TAFA2: variants seen among roughly 807,000 people sequenced by gnomAD.
The protein encoded by TAFA2 is TAFA chemokine like family member 2.
TAFA2 carries 7 observed loss-of-function variants against 18.8 expected under a neutral mutation model. The ratio of observed to expected loss-of-function variants is 0.37; its 90% CI spans 0.21 to 0.70. The LOEUF (loss-of-function observed/expected upper bound fraction) is 0.70. Ranked by LOEUF, TAFA2 falls within the 30% of genes least tolerant of loss-of-function variation. TAFA2 has a pLI of 0.53. For synonymous variants in TAFA2, 60 were observed against 54.2 expected, an observed-to-expected ratio of 1.11 and a Z score of -0.47; for missense variants, 122 against 158.1, an observed-to-expected ratio of 0.77 and a Z score of 1.23.
intron 1 of TAFA2, among the ~76,000 whole-genome samples, chr12:62,102,114 G>A (rs1423154851): frequency 6.6e-6 from 1 of 152,190 alleles, no homozygotes; most frequent in Admixed American, 6.6e-5. Context: ...AACTGCAAGA[G>A]CATAAAAGGA....
At chr12:61,840,259 A>G (rs1873118604) in intron 2 of TAFA2, among the ~76,000 whole-genome samples, 1 of 151,980 alleles carries the variant, frequency 6.6e-6, no homozygotes, top group Non-Finnish European at 1.5e-5. Context: ...CTTCAAGTCT[A>G]TTTTTATATT....
At chr12:61,731,020 C>A (rs2120650291) in intron 4 of TAFA2, among the ~76,000 whole-genome samples, 1 of 152,248 alleles carries the variant, frequency 6.6e-6, no homozygotes, top group South Asian at 2.1e-4. Flanking sequence ...TGTGGCCCTT[C>A]CCCAATTCCA....
At chr12:62,075,002 A>G (rs1882726349) in intron 1 of TAFA2, among the ~76,000 whole-genome samples, 1 of 152,064 alleles carries the variant, frequency 6.6e-6, no homozygotes, top group African/African-American at 2.4e-5. Flanking sequence ...ACACTTGAAG[A>G]TCTTGAATTT....
chr12:62,155,807 G>A (rs535536602), intron 1 of TAFA2, among the ~76,000 whole-genome samples: 86 of 152,212 alleles, frequency 5.7e-4, no homozygotes, highest in African/African-American at 1.8e-3. Flanking sequence ...GATGGATTAA[G>A]GATTTAAAAC....
At chr12:62,246,937 T>TC (rs397788405) in intron 1 of TAFA2, among the ~76,000 whole-genome samples, 1 of 152,104 alleles carries the variant, frequency 6.6e-6, no homozygotes, top group East Asian at 1.9e-4. Flanking sequence ...TTGTTTTTTT[T>TC]AATTAGGTAT....
At chr12:61,919,781 T>C (rs1876977192) in intron 1 of TAFA2, among the ~76,000 whole-genome samples, 1 of 152,110 alleles carries the variant, frequency 6.6e-6, no homozygotes, top group Admixed American at 6.6e-5. Flanking sequence ...TACATTTATC[T>C]CATTTAATCA....
intron 1 of TAFA2, among the ~76,000 whole-genome samples, chr12:61,950,648 T>C (rs1391335433): frequency 1.3e-5 from 2 of 152,154 alleles, no homozygotes; most frequent in Non-Finnish European, 2.9e-5. Context: ...GAATTCTCCA[T>C]GTATTTTGGA....
chr12:62,143,394 T>C (rs1163562965), intron 1 of TAFA2, among the ~76,000 whole-genome samples: 2 of 152,208 alleles, frequency 1.3e-5, no homozygotes, highest in African/African-American at 4.8e-5. Context: ...AAGTAATCAG[T>C]ATACAGAGCT....
In TAFA2 at chr12:61,886,931, T is replaced by C. The variant is rs572136874; in HGVS notation, c.-1-19505A>G. Among the ~76,000 whole-genome samples the C allele has an allele frequency of 5.9e-5, 9 of 152,310 alleles. No homozygotes were observed. In the South Asian group the frequency reaches 1.9e-3, roughly 32 times the overall value. ...TTTGACATTTACCAACTTTGGGCCA[T>C]TGGGCAAAATTAACGAGTGCCTCAA... On this transcript the variant is annotated intron_variant, in intron 1 of 4. Transcript: ENST00000416284.
At chr12:62,063,895 C>T (rs939803042) in intron 1 of TAFA2, among the ~76,000 whole-genome samples, 12 of 149,834 alleles carry the variant, frequency 8.0e-5, no homozygotes, top group Admixed American at 2.7e-4. Flanking sequence ...TGCATACACA[C>T]ACACAAAATA....
intron 1 of TAFA2, among the ~76,000 whole-genome samples, chr12:62,117,291 G>C (rs1398630205): frequency 2.0e-5 from 3 of 152,072 alleles, no homozygotes; most frequent in African/African-American, 7.2e-5. Context: ...TCCTGTGTTT[G>C]TTTGGATCTT....
chr12:62,053,665 A>G (rs556090685), intron 1 of TAFA2, among the ~76,000 whole-genome samples: 20 of 152,286 alleles, frequency 1.3e-4, no homozygotes, highest in African/African-American at 3.8e-4. Context: ...GTTGAAGAGG[A>G]CTCTCTACCC....
At chr12:61,997,469 GGAAA>G (rs1323782657) in intron 1 of TAFA2, among the ~76,000 whole-genome samples, 1 of 152,130 alleles carries the variant, frequency 6.6e-6, no homozygotes, top group Non-Finnish European at 1.5e-5. Context: ...GGGCAACAGT[GGAAA>G]GAGAGGCCCA....
chr12:62,075,799 A>T (rs1160762914), intron 1 of TAFA2, among the ~76,000 whole-genome samples: 8 of 152,246 alleles, frequency 5.3e-5, no homozygotes, highest in African/African-American at 1.9e-4. Context: ...CTTACTGACC[A>T]CATGAGCTAT....
rs529921285 is a variant in TAFA2 at position 62,215,251 on chromosome 12, T to C, written c.-130+43512A>G. ...AGTCAATTTTTCACAAATTGTTTATTAATTGAATGCAGATGTGCAGTCACC... is the reference window on the plus strand; with the variant it reads ...AGTCAATTTTTCACAAATTGTTTATCAATTGAATGCAGATGTGCAGTCACC... On this transcript the variant is annotated intron_variant, in intron 1 of 5. Coordinates refer to the TAFA2 transcript ENST00000551619. Among the ~76,000 whole-genome samples the C allele has an allele frequency of 1.5e-3, 230 of 152,312 alleles. 2 individuals carry two copies. Among genetic ancestry groups the C allele is most frequent in the Non-Finnish European group, 2.9e-4 (20 of 68,030 alleles).
intron 1 of TAFA2, among the ~76,000 whole-genome samples, chr12:61,904,676 C>T (rs2121325979): frequency 6.6e-6 from 1 of 152,242 alleles, no homozygotes; most frequent in East Asian, 1.9e-4. Context: ...TAATTCTCAA[C>T]TAATGGTCTA....
chr12:62,009,796 T>C (rs1427592438), intron 1 of TAFA2, among the ~76,000 whole-genome samples: 1 of 152,212 alleles, frequency 6.6e-6, no homozygotes, highest in Non-Finnish European at 1.5e-5. Context: ...TTCTTAGATA[T>C]GAACTCCTAG....
At chr12:62,195,270 T>C (rs927393912), upstream of TAFA2, among the ~76,000 whole-genome samples, 3 of 152,224 alleles carry the variant, frequency 2.0e-5, no homozygotes, top group African/African-American at 7.2e-5. Context: ...TTATAAAATA[T>C]TCAAAATCCT....
At chr12:61,792,068 G>A (rs971587763) in intron 2 of TAFA2, among the ~76,000 whole-genome samples, 1 of 151,468 alleles carries the variant, frequency 6.6e-6, no homozygotes, top group African/African-American at 2.4e-5. Flanking sequence ...GCAACAACAT[G>A]GATAATACTG....
Sources: allele counts gnomAD v4.1 joint callset (sites outside exome capture counted in the v4.1 genomes callset), GRCh38; gene constraint gnomAD v4.1.1; transcripts MANE v1.5; gene names NCBI Gene and HGNC (gene_info 2026-07-23, HGNC 2026-07-21).